Variants in EFCAB5 observed in about 807,000 individuals in gnomAD.
EFCAB5 encodes EF-hand calcium binding domain 5.
Under a neutral mutation model 167.9 loss-of-function variants are expected in EFCAB5, and 131 were observed. The observed-to-expected ratio is 0.78, with a 90% CI of 0.68 to 0.90. The LOEUF (loss-of-function observed/expected upper bound fraction) is 0.90, where lower values mean the gene tolerates loss of function less well. EFCAB5 is among the 40% of genes least tolerant of loss of function. The pLI is 0.00. For missense variants in EFCAB5, 1,663 were observed against 1,745.2 expected, an observed-to-expected ratio of 0.95 and a Z score of 0.84; for synonymous variants, 574 against 602.8, an observed-to-expected ratio of 0.95 and a Z score of 0.70.
intron 13 of EFCAB5, among the ~76,000 whole-genome samples, chr17:30,058,479 C>T (rs1424335356): frequency 6.6e-6 from 1 of 152,098 alleles, no homozygotes; most frequent in African/African-American, 2.4e-5. Context: ...TTCTCAATTC[C>T]AGTTCTTCCT....
At chr17:30,049,031 T>G (rs1346888720) in intron 8 of EFCAB5, among the ~76,000 whole-genome samples, 5 of 152,106 alleles carry the variant, frequency 3.3e-5, no homozygotes, top group Admixed American at 6.5e-5. Flanking sequence ...TATCGTAATC[T>G]AGTATACATA....
intron 7 of EFCAB5, among the ~76,000 whole-genome samples, chr17:30,020,806 C>G (rs1188150837): frequency 3.3e-5 from 5 of 152,156 alleles, no homozygotes; most frequent in African/African-American, 1.2e-4. Context: ...CAAGCCTGAC[C>G]TTCCAATAAG....
At chr17:30,006,267 T>A (rs1423351455) in intron 7 of EFCAB5, among the ~76,000 whole-genome samples, 1 of 152,208 alleles carries the variant, frequency 6.6e-6, no homozygotes, top group Non-Finnish European at 1.5e-5. Flanking sequence ...TGTTTTAAAA[T>A]TTTGGTGGTT....
chr17:30,022,448 T>C (rs9911794), intron 7 of EFCAB5, among the ~76,000 whole-genome samples: 94,039 of 151,638 alleles, frequency 0.62, 31,437 homozygotes, highest in African/African-American at 0.88. Context: ...CACACACATA[T>C]AATTACAAAG....
intron 5 of EFCAB5, 57 bp from the exon 6 acceptor site, chr17:29,996,255 G>A (rs2068541114): frequency 2.9e-6 from 4 of 1,380,140 alleles, no homozygotes; most frequent in Non-Finnish European, 4.0e-6. Context: ...TAACAAATAT[G>A]TGGTAACTGA....
At chr17:30,094,352 T>G (rs1220058033) in intron 22 of EFCAB5, among the ~76,000 whole-genome samples, 2 of 151,780 alleles carry the variant, frequency 1.3e-5, no homozygotes, top group African/African-American at 4.8e-5. Context: ...TACAGTATAA[T>G]AATAATTTTT....
chr17:30,050,414 C>T lies in EFCAB5; in HGVS notation c.1201-704C>T, dbSNP rs139872164. On this transcript the variant is annotated intron_variant, in intron 8 of 22. Transcript: ENST00000394835. Reference sequence around the variant, plus strand: ...CCTCCCAAAGTGCTGGGATTACAGGCGTGAGCCACCGCGCCTGGCCTATAT... The same window carrying T: ...CCTCCCAAAGTGCTGGGATTACAGGTGTGAGCCACCGCGCCTGGCCTATAT... 4.5e-3 allele frequency among the ~76,000 whole-genome samples: 687 copies of T among 152,178 alleles called. 3 individuals are homozygous for T. The highest frequency in any genetic ancestry group is 0.014 in the Middle Eastern group (4 of 294).
Position 30,026,961 on chromosome 17 carries a change from C to CTTT in EFCAB5, c.1045-7228_1045-7226dup, listed in dbSNP as rs71138868. 1.4e-4 allele frequency among the ~76,000 whole-genome samples: 9 copies of CTTT among 64,550 alleles called. 2 individuals are homozygous for CTTT. The highest frequency in any genetic ancestry group is 5.7e-4 in the South Asian group (1 of 1,748). The allele number at this position is 64,550 out of a possible 152,430, so 42.3% of individuals were successfully genotyped here. A position where few individuals can be genotyped will look rare whatever the true frequency, so the allele number is the denominator to read the frequency against. On this transcript the variant is annotated intron_variant, in intron 7 of 22. Transcript: ENST00000394835. ...ATGATTTCCTTGTACCTCCTTGTAC[C>CTTT]TTTTTTTTTTTTTTTTTTTTTTTTT... is the stretch of plus-strand genomic sequence containing the variant.
intron 3 of EFCAB5, among the ~76,000 whole-genome samples, chr17:29,951,717 T>C (rs2067516641): frequency 6.6e-6 from 1 of 152,082 alleles, no homozygotes; most frequent in South Asian, 2.1e-4. Flanking sequence ...GAAAATTTCC[T>C]ATGCTCTACA....
chr17:30,085,977 G>T (rs548411171), intron 18 of EFCAB5, among the ~76,000 whole-genome samples: 1 of 151,990 alleles, frequency 6.6e-6, no homozygotes, highest in African/African-American at 2.4e-5. Context: ...TTTTTAATTT[G>T]TTCCAATAAT....
chr17:30,002,569 T>C (rs2068684936), intron 7 of EFCAB5, among the ~76,000 whole-genome samples: 1 of 152,232 alleles, frequency 6.6e-6, no homozygotes, highest in Non-Finnish European at 1.5e-5. Flanking sequence ...TCAGGCACTG[T>C]TACACTTTGC....
intron 17 of EFCAB5, among the ~76,000 whole-genome samples, chr17:30,081,588 A>C (rs1338005564): frequency 2.0e-5 from 3 of 152,228 alleles, no homozygotes; most frequent in Non-Finnish European, 4.4e-5. Flanking sequence ...GGAAGATCAA[A>C]AGCCTTTATG....
At chr17:30,069,724 G>C (rs1478006816) in intron 14 of EFCAB5, 3 of 959,338 alleles carry the variant, frequency 3.1e-6, no homozygotes, top group Non-Finnish European at 4.8e-6. Context: ...ATGTACCCCC[G>C]GTGCTGGAGC....
At chr17:30,033,244 A>C (rs919038549) in intron 7 of EFCAB5, among the ~76,000 whole-genome samples, 1 of 151,976 alleles carries the variant, frequency 6.6e-6, no homozygotes, top group African/African-American at 2.4e-5. Flanking sequence ...ACGCCCGGCT[A>C]ATTTTTTGTA....
Position 30,049,374 on chromosome 17 carries a change from G to A in EFCAB5, c.1201-1744G>A, listed in dbSNP as rs183824271. On this transcript the variant is annotated intron_variant, in intron 8 of 22. Coordinates refer to ENST00000394835, the MANE Select transcript of EFCAB5 (RefSeq NM_198529.4). ...ATGCGCCTGTAGTCCCAGCTACTCC[G>A]GAGGCTGAGGCAGGAGAATTGCTTG... Among the ~76,000 whole-genome samples the A allele has an allele frequency of 2.7e-3, 417 of 152,222 alleles. 3 individuals are homozygous for A. The highest frequency in any genetic ancestry group is 7.2e-3 in the African/African-American group (299 of 41,534).
In EFCAB5 at chr17:30,069,965, AG is replaced by A. The variant is rs1027489688; in HGVS notation, c.2738-8243del. 1.1e-4 allele frequency among the ~76,000 whole-genome samples: 16 copies of A among 151,562 alleles called. No homozygotes were observed. The East Asian group carries it at 1.2e-3, about 11-fold the overall frequency. ...CTCCTGAACTTGAGGCCGCCTTGGC[AG>A]GGGGGGCTGCTCCAGTAGCAGGGGC... On this transcript the variant is annotated intron_variant, in intron 14 of 22. Coordinates refer to ENST00000394835, the MANE Select transcript of EFCAB5 (RefSeq NM_198529.4).
chr17:30,068,309 GA>G (rs533248029), intron 14 of EFCAB5, among the ~76,000 whole-genome samples: 4,562 of 121,540 alleles, frequency 0.038, 95 homozygotes, highest in African/African-American at 0.069. Flanking sequence ...CTCAAAAAAA[GA>G]AAAAAAAAAA....
At chr17:30,034,718 TG>T (rs747124996) in intron 8 of EFCAB5, among the ~76,000 whole-genome samples, 5 of 152,160 alleles carry the variant, frequency 3.3e-5, no homozygotes, top group Non-Finnish European at 5.9e-5. Context: ...TAAATGAAGC[TG>T]GGAACAAAGC....
At chr17:30,035,485 A>G (rs1357303912) in intron 8 of EFCAB5, among the ~76,000 whole-genome samples, 1 of 152,196 alleles carries the variant, frequency 6.6e-6, no homozygotes, top group Non-Finnish European at 1.5e-5. Context: ...TGAGCATTAA[A>G]CTGACAGAAG....
Sources: gnomAD v4.1 joint callset for allele counts (sites outside exome capture counted in the v4.1 genomes callset) on GRCh38, gnomAD v4.1.1 for gene constraint, MANE v1.5 for transcripts, NCBI Gene and HGNC (gene_info 2026-07-23, HGNC 2026-07-21) for gene names.